The following SPON1 variants were observed in gnomAD, a reference collection of about 807,000 sequenced individuals.
The protein encoded by SPON1 is spondin 1.
In SPON1, 52 loss-of-function variants were observed where a neutral mutation model predicts 111.7. The ratio of observed to expected loss-of-function variants is 0.47; its 90% CI spans 0.37 to 0.59. SPON1 has a LOEUF of 0.59. Ranked by LOEUF, SPON1 falls within the 20% of genes least tolerant of loss-of-function variation. The probability of loss-of-function intolerance (pLI) is 0.00; values close to 1 mark genes in which losing one functional copy is unlikely to be tolerated. For synonymous variants in SPON1, 410 were observed against 395.8 expected (o/e 1.04, Z -0.43); for missense variants, 957 against 1,068.5 (o/e 0.90, Z 1.46).
rs1844192215 is a variant in SPON1, at chr11:14,163,237, C to T, written c.825+27669C>T. ...CCTAAGAAGTAGGGCTATTATTATC[C>T]ACATTTTGTACTTGAGGAAATGGAG... On this transcript the variant is annotated intron_variant, in intron 6 of 15. Transcript: ENST00000576479. Among the ~76,000 whole-genome samples, 4 of 152,268 alleles carry T rather than the reference C, an allele frequency of 2.6e-5. No individual in the cohort carries two copies. In the South Asian group the frequency reaches 8.3e-4, roughly 32 times the overall value.
intron 5 of SPON1, among the ~76,000 whole-genome samples, chr11:14,100,422 T>G (rs540031072): frequency 6.6e-6 from 1 of 152,144 alleles, no homozygotes; most frequent in Non-Finnish European, 1.5e-5. Flanking sequence ...TTCCATTGCC[T>G]AAATTATTTT....
At chr11:14,003,764 C>T (rs1848337914) in intron 2 of SPON1, among the ~76,000 whole-genome samples, 1 of 152,088 alleles carries the variant, frequency 6.6e-6, no homozygotes, top group South Asian at 2.1e-4. Flanking sequence ...AGTAGGTTAA[C>T]ATCCATCATT....
chr11:14,088,944 C>G (rs1262957110), intron 5 of SPON1, among the ~76,000 whole-genome samples: 1 of 151,742 alleles, frequency 6.6e-6, no homozygotes, highest in Non-Finnish European at 1.5e-5. Context: ...GTGAATGCCT[C>G]AGGAAGTTCT....
At chr11:14,033,357 C>T (rs1012101073) in intron 2 of SPON1, among the ~76,000 whole-genome samples, 10 of 152,218 alleles carry the variant, frequency 6.6e-5, no homozygotes, top group Non-Finnish European at 1.2e-4. Context: ...GGCCCACCCA[C>T]GTGTTAGAAC....
intron 2 of SPON1, 65 bp downstream of exon 2, chr11:13,983,018 A>G (rs1848156335): frequency 3.5e-6 from 4 of 1,155,638 alleles, no homozygotes; most frequent in Non-Finnish European, 2.5e-6. Flanking sequence ...CTGGAGAGGT[A>G]CAAGTGTCTC....
intron 7 of SPON1, among the ~76,000 whole-genome samples, chr11:14,250,728 AT>A (rs1849044482): frequency 6.6e-6 from 1 of 152,198 alleles, no homozygotes; most frequent in Non-Finnish European, 1.5e-5. Flanking sequence ...AAGCATAAAA[AT>A]TTTTATGACA....
chr11:14,063,528 A>G (rs547190188), intron 3 of SPON1, among the ~76,000 whole-genome samples: 3 of 152,008 alleles, frequency 2.0e-5, no homozygotes, highest in African/African-American at 7.3e-5. Context: ...CGGATTTTGT[A>G]GCTTACATAT....
intron 6 of SPON1, among the ~76,000 whole-genome samples, chr11:14,185,684 T>C (rs1159473165): frequency 6.6e-6 from 1 of 152,272 alleles, no homozygotes; most frequent in Non-Finnish European, 1.5e-5. Flanking sequence ...GGAAAGCCCT[T>C]GGCCTAGGCC....
At chr11:14,160,709 TTA>T (rs1847920024) in intron 6 of SPON1, among the ~76,000 whole-genome samples, 1 of 15,108 alleles carries the variant, frequency 6.6e-5, no homozygotes, top group Non-Finnish European at 8.9e-5. Flanking sequence ...TTATATATAT[TTA>T]TATATATTTA....
intron 13 of SPON1, among the ~76,000 whole-genome samples, chr11:14,260,332 G>A (rs1249617239): frequency 6.6e-6 from 1 of 152,116 alleles, no homozygotes; most frequent in African/African-American, 2.4e-5. Flanking sequence ...GGGGACTTAT[G>A]TAGTCATATT....
At chr11:14,146,437 A>G (rs1847719764) in intron 6 of SPON1, among the ~76,000 whole-genome samples, 1 of 152,188 alleles carries the variant, frequency 6.6e-6, no homozygotes, top group Admixed American at 6.5e-5. Flanking sequence ...GGCGTGAGCC[A>G]CCACACCTGG....
chr11:14,192,725 C>T (rs1848360258), intron 6 of SPON1, among the ~76,000 whole-genome samples: 7 of 127,038 alleles, frequency 5.5e-5, no homozygotes, highest in Non-Finnish European at 1.2e-4. Flanking sequence ...GAGTGAGGTG[C>T]CCCACCCCCC....
intron 6 of SPON1, among the ~76,000 whole-genome samples, chr11:14,190,644 CTTT>C (rs67284211): frequency 1.5e-5 from 2 of 130,632 alleles, no homozygotes; most frequent in Admixed American, 7.8e-5. Context: ...TTTTCTTTTT[CTTT>C]TTTTTTTTTT....
chr11:13,981,958 T>C (rs868976846), intron 1 of SPON1, among the ~76,000 whole-genome samples: 30 of 152,112 alleles, frequency 2.0e-4, no homozygotes, highest in African/African-American at 7.0e-4. Flanking sequence ...GGAAGTAGAG[T>C]ATAGCAGTAC....
chr11:14,251,637 T>G (rs186924978), intron 7 of SPON1, among the ~76,000 whole-genome samples: 1 of 152,082 alleles, frequency 6.6e-6, no homozygotes, highest in Non-Finnish European at 1.5e-5. Context: ...AGGAAGGCAA[T>G]AGATGGAGCG....
At chr11:14,147,751 C>CTTTTT (rs66888680) in intron 6 of SPON1, among the ~76,000 whole-genome samples, 51,788 of 144,898 alleles carry the variant, frequency 0.36, 9,480 homozygotes, top group East Asian at 0.52. Flanking sequence ...AATACTAAGA[C>CTTTTT]TTTTTTTTTT....
intron 1 of SPON1, among the ~76,000 whole-genome samples, chr11:13,966,551 A>G (rs1848017620): frequency 6.6e-6 from 1 of 152,226 alleles, no homozygotes; most frequent in African/African-American, 2.4e-5. Flanking sequence ...ATTTCAAGGA[A>G]CTTGATGGGA....
intron 2 of SPON1, among the ~76,000 whole-genome samples, chr11:14,031,940 A>T (rs1259821872): frequency 1.1e-4 from 16 of 152,226 alleles, no homozygotes; most frequent in Non-Finnish European, 2.2e-4. Context: ...ATTCAGCAAT[A>T]ATAAACTACA....
chr11:14,147,017 CTTTTTTTTTTTT>C (rs34930543), intron 6 of SPON1, among the ~76,000 whole-genome samples: 2 of 64,994 alleles, frequency 3.1e-5, no homozygotes, highest in Admixed American at 2.3e-4. Context: ...ATGAAAGAAC[CTTTTTTTTTTTT>C]TTTTTTTTTT....
Sources: gnomAD v4.1 joint callset for allele counts (sites outside exome capture counted in the v4.1 genomes callset) on GRCh38, gnomAD v4.1.1 for gene constraint, MANE v1.5 for transcripts, NCBI Gene and HGNC (gene_info 2026-07-23, HGNC 2026-07-21) for gene names.